The following FAM240C variants were observed in gnomAD, a reference collection of about 807,000 sequenced individuals.
FAM240C encodes family with sequence similarity 240 member C, also known as protein FAM240C.
Under a neutral mutation model 10.0 loss-of-function variants are expected in FAM240C, and 14 were observed. The ratio of observed to expected loss-of-function variants is 1.40; its 90% confidence interval spans 0.92 to 2.19. FAM240C has a LOEUF of 2.19. FAM240C is among the 30% of genes most tolerant of loss of function. The pLI, the probability that FAM240C is intolerant of heterozygous loss-of-function variation, is 0.00. For missense variants in FAM240C, 154 were observed against 122.3 expected, an observed-to-expected ratio of 1.26 and a Z score of -1.22; for synonymous variants, 49 against 44.3, an observed-to-expected ratio of 1.11 and a Z score of -0.42.
intron 2 of FAM240C, among the ~76,000 whole-genome samples, chr2:241,896,869 G>A (rs1457258558): frequency 3.4e-5 from 5 of 147,784 alleles, no homozygotes; most frequent in African/African-American, 1.3e-4. Flanking sequence ...GTGTGGGGGT[G>A]GGGGTGAATT....
At chr2:241,897,520 G>A (rs1053132246) in intron 1 of FAM240C, among the ~76,000 whole-genome samples, 186 bp from the exon 2 acceptor site, 5 of 152,098 alleles carry the variant, frequency 3.3e-5, no homozygotes, top group African/African-American at 7.2e-5. Flanking sequence ...GCTCCTGACC[G>A]GCTCCTAAAC....
rs190620253 is a variant in FAM240C, at chr2:241,897,038, C to T, written c.161+148G>A. ...GGCTGTCAGTTTCCTCCTGGGTTGA[C>T]TCCTTTCACAGGCCTGGAGCTGAGG... On this transcript the variant is annotated intron_variant, in intron 2 of 2. Coordinates refer to ENST00000404031, the MANE Select transcript of FAM240C (RefSeq NM_001382368.1). 2.9e-5 allele frequency: 24 copies of T among 814,432 alleles called. 1 individual carries two copies. Among genetic ancestry groups the T allele is most frequent in the Non-Finnish European group, 3.8e-6 (2 of 530,354 alleles). The allele number at this position is 814,432 out of a possible 1,614,324, so 50.5% of individuals were successfully genotyped here.
Position 241,894,341 on chromosome 2 carries a change from TG to T in FAM240C, c.162-3del. ...TGCTCAGCCCATCCCACGCGGAGCCTGGGGCAGGGCGATAATTTCGGCATTG... is the reference window on the plus strand; with the variant it reads ...TGCTCAGCCCATCCCACGCGGAGCCTGGGCAGGGCGATAATTTCGGCATTG... On this transcript the variant is annotated splice_polypyrimidine_tract_variant and splice_region_variant and intron_variant, in intron 2 of 2. Transcript: ENST00000404031. 1 of 1,541,218 alleles carries T rather than the reference TG, an allele frequency of 6.5e-7. No individual in the cohort carries two copies.
intron 1 of FAM240C, chr2:241,899,055 G>T (rs970723823): frequency 2.6e-6 from 3 of 1,144,370 alleles, no homozygotes; most frequent in Admixed American, 4.6e-5. Flanking sequence ...GCAGGAGCGC[G>T]GCCCGAGAGG....
upstream of FAM240C, among the ~76,000 whole-genome samples, chr2:241,900,747 C>T (rs1701964790): frequency 6.6e-6 from 1 of 152,084 alleles, no homozygotes; most frequent in African/African-American, 2.4e-5. This position sits in a 1 kb window ranked among gnomAD's most constrained non-coding sequence, Gnocchi z 4.5. Context: ...TTTGCCCAGG[C>T]CTGCGTCTCA....
At position 241,899,312 on chromosome 2, in the gene FAM240C, G is replaced by A. The variant is rs112057252; in HGVS notation, c.12+1046C>T. On this transcript the variant is annotated intron_variant, in intron 1 of 2. Transcript: ENST00000404031. ...CTTTGCTGGGGAGCTGCCCCTGGAG[G>A]GCCACAGAAATCGCCCATCGATGCC... is the stretch of plus-strand genomic sequence containing the variant. 4.2e-3 allele frequency: 4,110 copies of A among 985,424 alleles called. 137 individuals carry two copies. The African/African-American group carries it at 0.067, about 16-fold the overall frequency. The allele number at this position is 985,424 out of a possible 1,614,324, so 61.0% of individuals were successfully genotyped here. A position where few individuals can be genotyped will look rare whatever the true frequency, so the allele number is the denominator to read the frequency against.
chr2:241,897,078 C>G, intron 2 of FAM240C, 108 bp downstream of exon 2: 1 of 1,260,748 alleles, frequency 7.9e-7, no homozygotes, highest in Non-Finnish European at 1.1e-6. Context: ...TCATGGTGGG[C>G]TGAGGGCCAG....
chr2:241,899,426 G>T, intron 1 of FAM240C: 1 of 783,860 alleles, frequency 1.3e-6, no homozygotes, highest in Non-Finnish European at 1.5e-6. Context: ...GGACGCTGGC[G>T]CGAATTCAGT....
intron 2 of FAM240C, among the ~76,000 whole-genome samples, chr2:241,896,547 G>A (rs1701813698): frequency 1.5e-5 from 2 of 135,332 alleles, no homozygotes; most frequent in African/African-American, 5.4e-5. Flanking sequence ...GTGGGTGTTG[G>A]GGTGTGTGTG....
intron 1 of FAM240C, among the ~76,000 whole-genome samples, chr2:241,897,641 C>T (rs941470320): frequency 4.6e-5 from 7 of 152,234 alleles, no homozygotes; most frequent in Non-Finnish European, 8.8e-5. Flanking sequence ...CAATGATGCA[C>T]TTCTAACTCT....
In FAM240C at chr2:241,894,325, C is replaced by A. The variant is rs1323223883; in HGVS notation, c.176G>T (p.Trp59Leu). 1.9e-6 allele frequency: 3 copies of A among 1,547,180 alleles called. No individual in the cohort carries two copies. In the Admixed American group the frequency reaches 5.9e-5, roughly 30 times the overall value. ...GTTCCTCCCCTCCAGCTGCTCAGCC[C>A]ATCCCACGCGGAGCCTGGGGCAGGG... is the stretch of plus-strand genomic sequence containing the variant. ...RSALNKLRVG[W>L]AEQLEGRNKM... The change falls in exon 3 of 3, where the codon TGG becomes TTG. Residue 59 changes from tryptophan (W) to leucine (L), a missense_variant. By Grantham distance (61) the Trp-to-Leu change is moderately conservative. Transcript: ENST00000404031.
At chr2:241,900,983 C>T (rs1044197799), upstream of FAM240C, among the ~76,000 whole-genome samples, 1 of 152,110 alleles carries the variant, frequency 6.6e-6, no homozygotes, top group African/African-American at 2.4e-5. The surrounding 1 kb of genome is among the most constrained non-coding windows in gnomAD (Gnocchi z 4.5). Flanking sequence ...CAACCCGACT[C>T]TGAGGGAGGT....
At position 241,897,202 on chromosome 2, in the gene FAM240C, T is replaced by C; in HGVS notation, c.145A>G (p.Arg49Gly). The C allele has an allele frequency of 6.5e-7, 1 of 1,549,872 alleles. No individual in the cohort carries two copies. The highest frequency in any genetic ancestry group is 1.2e-5 in the South Asian group (1 of 84,066). The change falls in exon 2 of 3, where the codon AGA (arginine) becomes GGA (glycine). Residue 49 changes from arginine to glycine, a missense_variant. By Grantham distance (125) the Arg-to-Gly change is moderately radical. Coordinates refer to ENST00000404031, the MANE Select transcript of FAM240C (RefSeq NM_001382368.1). ...HLQNEDIRVR[R>G]SALNKLRVGW... ...CCGACTCACTTGTTCAGAGCGCTTCTGCGAACCCTGATGTCCTCGTTCTGC... is the reference window on the plus strand; with the variant it reads ...CCGACTCACTTGTTCAGAGCGCTTCCGCGAACCCTGATGTCCTCGTTCTGC...
intron 2 of FAM240C, among the ~76,000 whole-genome samples, chr2:241,896,323 C>T (rs1001352275): frequency 5.3e-5 from 8 of 152,182 alleles, no homozygotes; most frequent in African/African-American, 1.7e-4. Context: ...GGCGTGCTGG[C>T]TTGGTATCTG....
chr2:241,894,602 A>C (rs1298965226), intron 2 of FAM240C, among the ~76,000 whole-genome samples: 6 of 112,482 alleles, frequency 5.3e-5, no homozygotes, highest in South Asian at 3.0e-4. Flanking sequence ...CTCACTCAGG[A>C]CCCTCCTCAC....
chr2:241,901,716 C>A (rs910845899), upstream of FAM240C, among the ~76,000 whole-genome samples: 1 of 152,222 alleles, frequency 6.6e-6, no homozygotes, highest in Admixed American at 6.5e-5. The surrounding 1 kb of genome is among the most constrained non-coding windows in gnomAD (Gnocchi z 4.9). Context: ...TTCAGAAAAA[C>A]CGCTGCGTGC....
chr2:241,899,401 G>T (rs1701930870), intron 1 of FAM240C: 2 of 925,106 alleles, frequency 2.2e-6, no homozygotes, highest in South Asian at 5.0e-5. Flanking sequence ...ACTCAGCCAC[G>T]CCTGCCTGTG....
chr2:241,896,499 TGAA>T (rs1559468233), intron 2 of FAM240C, among the ~76,000 whole-genome samples: 5,821 of 38,874 alleles, frequency 0.15, 673 homozygotes, highest in Non-Finnish European at 0.21. Flanking sequence ...GGGGTGTGGG[TGAA>T]GGGGGTGTGG....
intron 1 of FAM240C, among the ~76,000 whole-genome samples, chr2:241,899,751 A>G (rs948119298): frequency 1.3e-5 from 2 of 152,192 alleles, no homozygotes; most frequent in Non-Finnish European, 2.9e-5. Context: ...AAAAGGGAGA[A>G]CCAGCAAACC....
Sources: gnomAD v4.1 joint callset for allele counts (sites outside exome capture counted in the v4.1 genomes callset) on GRCh38, gnomAD v4.1.1 for gene constraint, Gnocchi (gnomAD v3.1) non-coding constraint, MANE v1.5 for transcripts, NCBI Gene and HGNC (gene_info 2026-07-23, HGNC 2026-07-21) for gene names.